YAF2: variants seen among roughly 807,000 people sequenced by gnomAD.
The protein encoded by YAF2 is YY1-associated factor 2.
In YAF2, 7 loss-of-function variants were observed where a neutral mutation model predicts 20.1. The observed-to-expected ratio is 0.35, with a 90% CI of 0.20 to 0.65. YAF2 has a LOEUF of 0.65. YAF2 is among the 30% of genes least tolerant of loss of function. The probability of loss-of-function intolerance (pLI) is 0.69; values close to 1 mark genes in which losing one functional copy is unlikely to be tolerated. For synonymous variants in YAF2, 74 were observed against 76.0 expected (o/e 0.97, Z 0.14); for missense variants, 151 against 219.2 (o/e 0.69, Z 1.96).
At chr12:42,207,736 C>CA (rs772424622) in intron 2 of YAF2, among the ~76,000 whole-genome samples, 3 of 151,986 alleles carry the variant, frequency 2.0e-5, no homozygotes, top group Non-Finnish European at 4.4e-5. Context: ...ACTAAAAATA[C>CA]AAAAATTAGC....
intron 2 of YAF2, among the ~76,000 whole-genome samples, chr12:42,182,019 G>A (rs1347643243): frequency 1.3e-5 from 2 of 151,958 alleles, no homozygotes; most frequent in African/African-American, 2.4e-5. Context: ...CAAAGTTTTT[G>A]AATAATTTTC....
At chr12:42,177,764 T>C (rs2137031177) in intron 2 of YAF2, among the ~76,000 whole-genome samples, 1 of 152,310 alleles carries the variant, frequency 6.6e-6, no homozygotes, top group Non-Finnish European at 1.5e-5. Context: ...AAACGCCAAA[T>C]GTCAGAGAAG....
intron 2 of YAF2, chr12:42,234,805 T>C (rs80078451): frequency 3.1e-5 from 25 of 805,348 alleles, no homozygotes; most frequent in Admixed American, 1.2e-4. Context: ...CTAGGCAACA[T>C]AGAGATCCCC....
At chr12:42,174,038 C>T (rs897784790) in intron 2 of YAF2, among the ~76,000 whole-genome samples, 3 of 151,854 alleles carry the variant, frequency 2.0e-5, no homozygotes, top group South Asian at 2.1e-4. Flanking sequence ...AACAATATTT[C>T]CTTCTCTACT....
At chr12:42,215,830 G>A (rs900966585) in intron 2 of YAF2, among the ~76,000 whole-genome samples, 1 of 152,098 alleles carries the variant, frequency 6.6e-6, no homozygotes, top group Admixed American at 6.6e-5. Context: ...GCTGAGGCAG[G>A]AGAATCACTT....
At chr12:42,228,804 C>T (rs1434388890) in intron 2 of YAF2, among the ~76,000 whole-genome samples, 2 of 50,622 alleles carry the variant, frequency 4.0e-5, no homozygotes, top group Non-Finnish European at 6.7e-5. Context: ...GTCAGCCCCC[C>T]GCCCGGCCAG....
intron 2 of YAF2, among the ~76,000 whole-genome samples, chr12:42,236,550 CT>C (rs2068162658): frequency 1.6e-5 from 2 of 125,724 alleles, no homozygotes; most frequent in Non-Finnish European, 1.6e-5. Flanking sequence ...AAATTTTAAA[CT>C]TAATAAAATT....
chr12:42,228,631 C>A (rs2067860825), intron 2 of YAF2, among the ~76,000 whole-genome samples: 1 of 104,300 alleles, frequency 9.6e-6, no homozygotes, highest in Non-Finnish European at 1.9e-5. Flanking sequence ...CCCCGCCCGG[C>A]CAGCCGCCCC....
intron 2 of YAF2, among the ~76,000 whole-genome samples, chr12:42,200,802 TG>T (rs1287390188): frequency 6.6e-6 from 1 of 152,210 alleles, no homozygotes; most frequent in Non-Finnish European, 1.5e-5. Flanking sequence ...AAAGGTAGCA[TG>T]GTATAGTGGA....
intron 2 of YAF2, among the ~76,000 whole-genome samples, chr12:42,189,576 GTGTATA>G (rs2066560960): frequency 6.6e-6 from 1 of 152,134 alleles, no homozygotes; most frequent in African/African-American, 2.4e-5. Context: ...AGTTAGACTT[GTGTATA>G]TGTATATGTG....
At position 42,227,833 on chromosome 12, in the gene YAF2, C is replaced by T. The variant is rs1391476881; in HGVS notation, c.152+9766G>A. On this transcript the variant is annotated intron_variant, in intron 2 of 3. Transcript: ENST00000534854. ...CCCCCGCCTGGCCAGCCGTGCCGTC[C>T]GGGAGGGAGGTGGGGGGGTCAGCCC... 4.2e-4 allele frequency among the ~76,000 whole-genome samples: 59 copies of T among 141,544 alleles called. 1 individual carries two copies. Among genetic ancestry groups the T allele is most frequent in the African/African-American group, 1.3e-3 (49 of 37,938 alleles). The allele number at this position is 141,544 out of a possible 152,430, so 92.9% of individuals were successfully genotyped here. A position where few individuals can be genotyped will look rare whatever the true frequency, so the allele number is the denominator to read the frequency against.
At chr12:42,198,582 T>A (rs2066816359) in intron 2 of YAF2, among the ~76,000 whole-genome samples, 2 of 152,144 alleles carry the variant, frequency 1.3e-5, no homozygotes, top group Non-Finnish European at 2.9e-5. Flanking sequence ...CGAGACCCTG[T>A]TTCAAAACAA....
intron 2 of YAF2, among the ~76,000 whole-genome samples, chr12:42,178,033 G>T (rs2066242824): frequency 6.6e-6 from 1 of 151,788 alleles, no homozygotes; most frequent in Non-Finnish European, 1.5e-5. Context: ...TTGTAAACAG[G>T]GACTTTTTCC....
intron 2 of YAF2, among the ~76,000 whole-genome samples, chr12:42,175,543 A>G (rs1456566450): frequency 6.6e-6 from 1 of 151,648 alleles, no homozygotes; most frequent in African/African-American, 2.4e-5. Flanking sequence ...TCAAAAAAAA[A>G]AAAGCTGTCT....
intron 2 of YAF2, among the ~76,000 whole-genome samples, chr12:42,203,466 C>A (rs942395818): frequency 6.6e-6 from 1 of 151,616 alleles, no homozygotes; most frequent in Non-Finnish European, 1.5e-5. Flanking sequence ...CTGTCTTACC[C>A]TTGGCTTTAA....
chr12:42,230,188 C>T (rs113844007), intron 2 of YAF2, among the ~76,000 whole-genome samples: 4 of 152,056 alleles, frequency 2.6e-5, no homozygotes, highest in Non-Finnish European at 4.4e-5. Flanking sequence ...ATCTGGGAGG[C>T]GGAGATTGCA....
At chr12:42,227,803 T>A (rs577813441) in intron 2 of YAF2, among the ~76,000 whole-genome samples, 1 of 119,804 alleles carries the variant, frequency 8.3e-6, no homozygotes, top group Non-Finnish European at 1.7e-5. Context: ...GGTGGGGGGG[T>A]CAGCCCCCCG....
chr12:42,208,296 G>A (rs1440913189), intron 2 of YAF2, among the ~76,000 whole-genome samples: 3 of 152,022 alleles, frequency 2.0e-5, no homozygotes, highest in African/African-American at 4.8e-5. Context: ...CCTGGTGGCA[G>A]ATGCTTGTAA....
At chr12:42,210,782 T>A (rs2067186551) in intron 2 of YAF2, 4 of 1,028,854 alleles carry the variant, frequency 3.9e-6, no homozygotes, top group Non-Finnish European at 5.3e-6. Context: ...TATACACGTA[T>A]CAAAGTAAAT....
Sources: allele counts gnomAD v4.1 joint callset (sites outside exome capture counted in the v4.1 genomes callset), GRCh38; gene constraint gnomAD v4.1.1; transcripts MANE v1.5; gene names NCBI Gene and HGNC (gene_info 2026-07-23, HGNC 2026-07-21).